The following PPFIA2 variants were observed in gnomAD, a reference collection of about 807,000 sequenced individuals.
PPFIA2 encodes liprin-alpha-2.
PPFIA2 carries 46 observed loss-of-function variants against 175.5 expected under a neutral mutation model. The ratio of observed to expected loss-of-function variants is 0.26; its 90% CI spans 0.21 to 0.34. PPFIA2 has a LOEUF of 0.34. PPFIA2 is among the 10% of genes least tolerant of loss of function. The pLI is 1.00. For synonymous variants in PPFIA2, 568 were observed against 511.4 expected (o/e 1.11, Z -1.49); for missense variants, 1,179 against 1,506.1 (o/e 0.78, Z 3.60).
chr12:81,579,617 A>G (rs2074101717), intron 4 of PPFIA2, among the ~76,000 whole-genome samples: 1 of 151,858 alleles, frequency 6.6e-6, no homozygotes, highest in African/African-American at 2.4e-5. Context: ...GCATACATCA[A>G]TTGGAGTTAC....
chr12:81,402,378 A>G (rs10862306), intron 8 of PPFIA2, among the ~76,000 whole-genome samples: 24,384 of 152,066 alleles, frequency 0.16, 2,718 homozygotes, highest in East Asian at 0.42. Context: ...TTAAATTACA[A>G]TCCTTTGACA....
At chr12:81,551,054 A>G (rs1237038089) in intron 4 of PPFIA2, among the ~76,000 whole-genome samples, 1 of 151,736 alleles carries the variant, frequency 6.6e-6, no homozygotes, top group African/African-American at 2.4e-5. Context: ...GAAAAGATAG[A>G]GAAAGCAACT....
chr12:81,714,498 A>C (rs1422659076), intron 3 of PPFIA2, among the ~76,000 whole-genome samples: 1 of 151,134 alleles, frequency 6.6e-6, no homozygotes, highest in African/African-American at 2.4e-5. Flanking sequence ...CCAGTTGCCA[A>C]TGTGAGTCTT....
rs12580614 is a variant in PPFIA2 at position 81,677,925 on chromosome 12, T to C, written c.250-1081A>G. 0.02 allele frequency among the ~76,000 whole-genome samples: 3,109 copies of C among 151,954 alleles called. 183 individuals are homozygous for C. In the East Asian group the frequency reaches 0.24, roughly 12 times the overall value. On this transcript the variant is annotated intron_variant, in intron 3 of 32. Transcript: ENST00000549396. ...GGTTACTAATGATTATATGACTTAT[T>C]CAAAAGAAGTTGCAATTCTAGGTTT...
chr12:81,757,722 C>G (rs1170526212), intron 2 of PPFIA2, among the ~76,000 whole-genome samples: 1 of 152,112 alleles, frequency 6.6e-6, no homozygotes, highest in Non-Finnish European at 1.5e-5. Flanking sequence ...TGTTCCTTAA[C>G]AATATATGCC....
chr12:81,561,924 A>G (rs907022582), intron 4 of PPFIA2, among the ~76,000 whole-genome samples: 4 of 152,212 alleles, frequency 2.6e-5, no homozygotes, highest in Admixed American at 2.0e-4. Flanking sequence ...CTTTTGATGA[A>G]GTTTTACCAA....
intron 4 of PPFIA2, among the ~76,000 whole-genome samples, chr12:81,470,680 G>A (rs576728057): frequency 1.5e-4 from 23 of 152,310 alleles, no homozygotes; most frequent in Admixed American, 1.4e-3. Context: ...ATGTTCAACA[G>A]TGGAGGAATG....
intron 22 of PPFIA2, among the ~76,000 whole-genome samples, chr12:81,321,127 A>G (rs1205522125): frequency 6.6e-6 from 1 of 152,084 alleles, no homozygotes; most frequent in Non-Finnish European, 1.5e-5. Flanking sequence ...ATTGATCATT[A>G]GCCATAACTA....
At chr12:81,508,204 T>C (rs2061383668) in intron 4 of PPFIA2, among the ~76,000 whole-genome samples, 1 of 152,068 alleles carries the variant, frequency 6.6e-6, no homozygotes, top group African/African-American at 2.4e-5. Context: ...TCTGCAAGGA[T>C]CAAATGAGAT....
intron 27 of PPFIA2, 131 bp downstream of exon 27, chr12:81,281,126 G>T: frequency 1.4e-6 from 1 of 704,902 alleles, no homozygotes; most frequent in Non-Finnish European, 2.2e-6. Context: ...CCAAGTAGAT[G>T]TATACAAACG....
chr12:81,715,248 G>A (rs558863223), intron 3 of PPFIA2, among the ~76,000 whole-genome samples: 11 of 147,082 alleles, frequency 7.5e-5, no homozygotes, highest in Non-Finnish European at 1.5e-4. Flanking sequence ...TGGTAAGACT[G>A]TGTGAACTGT....
intron 4 of PPFIA2, among the ~76,000 whole-genome samples, chr12:81,636,743 C>G (rs1197256439): frequency 6.6e-6 from 1 of 152,090 alleles, no homozygotes; most frequent in Non-Finnish European, 1.5e-5. Context: ...ACCTCTGCCT[C>G]CCAGGTTCAA....
intron 4 of PPFIA2, among the ~76,000 whole-genome samples, chr12:81,624,114 A>G (rs964443428): frequency 6.6e-6 from 1 of 151,924 alleles, no homozygotes; most frequent in East Asian, 1.9e-4. Context: ...GGGTCTTTAC[A>G]TCTATAAGCA....
At position 81,440,412 on chromosome 12, in the gene PPFIA2, GA is replaced by G. The variant is rs1015824870; in HGVS notation, c.571-367del. 4.2e-3 allele frequency among the ~76,000 whole-genome samples: 631 copies of G among 149,912 alleles called. 1 individual carries two copies. Among genetic ancestry groups the G allele is most frequent in the African/African-American group, 9.9e-3 (404 of 40,932 alleles). On this transcript the variant is annotated intron_variant, in intron 6 of 32. Coordinates refer to ENST00000549396, the MANE Select transcript of PPFIA2 (RefSeq NM_003625.5). ...GTCACTGTTTAAGCATGACAAATAG[GA>G]AAAAAAAATACCCCACCTTTTTCTC...
intron 4 of PPFIA2, among the ~76,000 whole-genome samples, chr12:81,663,914 A>G (rs934606416): frequency 2.0e-5 from 3 of 152,208 alleles, no homozygotes; most frequent in African/African-American, 7.2e-5. Flanking sequence ...TGTTTGACAA[A>G]CCTGACAAAA....
intron 3 of PPFIA2, among the ~76,000 whole-genome samples, chr12:81,729,096 G>A (rs1240188216): frequency 4.6e-5 from 7 of 151,470 alleles, no homozygotes; most frequent in South Asian, 2.1e-4. Context: ...CCAAAAAACT[G>A]TTAATAATTT....
At chr12:81,520,027 C>T (rs1284665499) in intron 4 of PPFIA2, among the ~76,000 whole-genome samples, 2 of 152,154 alleles carry the variant, frequency 1.3e-5, no homozygotes, top group South Asian at 2.1e-4. Context: ...TATCTTACTG[C>T]ACTGTTTTCA....
intron 4 of PPFIA2, among the ~76,000 whole-genome samples, chr12:81,555,358 T>C (rs988144021): frequency 6.6e-6 from 1 of 152,004 alleles, no homozygotes; most frequent in African/African-American, 2.4e-5. Context: ...TGGTATGTAA[T>C]ATAGCATAAG....
chr12:81,276,695 A>C lies in PPFIA2; in HGVS notation c.3310+622T>G, dbSNP rs185797180. On this transcript the variant is annotated intron_variant, in intron 28 of 32. Transcript: ENST00000549396. ...TTTAAATATAGTATTTTTTCTAACAAACCTGCAATATGGAGTGTCTTTTCT... is the reference window on the plus strand; with the variant it reads ...TTTAAATATAGTATTTTTTCTAACACACCTGCAATATGGAGTGTCTTTTCT... Among the ~76,000 whole-genome samples the C allele has an allele frequency of 5.1e-4, 78 of 152,270 alleles. 2 individuals are homozygous for C. Among genetic ancestry groups the C allele is most frequent in the African/African-American group, 1.6e-3 (68 of 41,568 alleles).
Sources: allele counts gnomAD v4.1 joint callset (sites outside exome capture counted in the v4.1 genomes callset), GRCh38; gene constraint gnomAD v4.1.1; transcripts MANE v1.5; gene names NCBI Gene and HGNC (gene_info 2026-07-23, HGNC 2026-07-21).